PXDNL: variants seen among roughly 807,000 people sequenced by gnomAD.
PXDNL encodes peroxidasin like.
Under a neutral mutation model 150.8 loss-of-function variants are expected in PXDNL, and 145 were observed. That is an observed-to-expected ratio of 0.96 (90% CI 0.84 to 1.10). The LOEUF (loss-of-function observed/expected upper bound fraction) is 1.10, where lower values mean the gene tolerates loss of function less well. Among genes scored for constraint, PXDNL ranks in the 50% least tolerant of loss-of-function variants. The pLI is 0.00. For missense variants in PXDNL, 2,087 were observed against 1,873.9 expected, an observed-to-expected ratio of 1.11 and a Z score of -2.10; for synonymous variants, 757 against 725.7, an observed-to-expected ratio of 1.04 and a Z score of -0.69.
intron 3 of PXDNL, among the ~76,000 whole-genome samples, chr8:51,581,243 T>A (rs1813206100): frequency 6.6e-6 from 1 of 152,038 alleles, no homozygotes; most frequent in Non-Finnish European, 1.5e-5. Context: ...AAGCATATGC[T>A]TGGGAGGCCA....
At chr8:51,542,509 AAGAG>A (rs1046310943) in intron 4 of PXDNL, among the ~76,000 whole-genome samples, 14 of 143,300 alleles carry the variant, frequency 9.8e-5, no homozygotes, top group Admixed American at 6.2e-4. Flanking sequence ...AAAAAAAAAA[AAGAG>A]AGAGAGAGAA....
intron 2 of PXDNL, among the ~76,000 whole-genome samples, chr8:51,624,057 TA>T: frequency 7.5e-6 from 1 of 133,944 alleles, no homozygotes; most frequent in Non-Finnish European, 1.5e-5. Context: ...CATACCACTG[TA>T]CTCCAGCCTG....
chr8:51,572,029 C>T (rs1000398919), intron 3 of PXDNL, among the ~76,000 whole-genome samples: 1 of 151,752 alleles, frequency 6.6e-6, no homozygotes, highest in African/African-American at 2.4e-5. Flanking sequence ...GGGATTTCAA[C>T]CAGATAAACC....
At chr8:51,531,705 C>A (rs1290613932) in intron 4 of PXDNL, among the ~76,000 whole-genome samples, 1 of 152,034 alleles carries the variant, frequency 6.6e-6, no homozygotes, top group African/African-American at 2.4e-5. Context: ...GAGCTTAAGT[C>A]AAGTGAAGAA....
At position 51,412,644 on chromosome 8, in the gene PXDNL, A is replaced by G. The variant is rs1808684927; in HGVS notation, c.1904+506T>C. Among the ~76,000 whole-genome samples the G allele has an allele frequency of 1.3e-5, 2 of 152,188 alleles. 1 individual carries two copies. Among genetic ancestry groups the G allele is most frequent in the South Asian group, 4.1e-4 (2 of 4,828 alleles). On this transcript the variant is annotated intron_variant, in intron 15 of 22. Transcript: ENST00000356297. ...TCCGATTATGATGAAATCAACAATCATTTTTTTGTTAATGCATCCTGATGT... is the reference window on the plus strand; with the variant it reads ...TCCGATTATGATGAAATCAACAATCGTTTTTTTGTTAATGCATCCTGATGT...
At chr8:51,572,519 T>C (rs1247829019) in intron 3 of PXDNL, among the ~76,000 whole-genome samples, 1 of 151,820 alleles carries the variant, frequency 6.6e-6, no homozygotes. Context: ...TCATGGAGAC[T>C]GAAAGTAGAA....
At chr8:51,391,525 C>T (rs1807909457) in intron 17 of PXDNL, among the ~76,000 whole-genome samples, 2 of 152,136 alleles carry the variant, frequency 1.3e-5, no homozygotes, top group African/African-American at 4.8e-5. Context: ...TGTTTTTTGG[C>T]TACATAAATG....
intron 5 of PXDNL, among the ~76,000 whole-genome samples, chr8:51,494,871 C>T (rs1002039508): frequency 4.0e-5 from 6 of 151,834 alleles, no homozygotes; most frequent in Admixed American, 6.6e-5. Flanking sequence ...GACAGATCAA[C>T]GAGACAGAAA....
At chr8:51,545,222 GA>G (rs1211308965) in intron 4 of PXDNL, among the ~76,000 whole-genome samples, 1 of 152,132 alleles carries the variant, frequency 6.6e-6, no homozygotes, top group African/African-American at 2.4e-5. Flanking sequence ...ATAGGAATTA[GA>G]ACTTTTTCAT....
intron 5 of PXDNL, among the ~76,000 whole-genome samples, chr8:51,486,200 T>C (rs1810731077): frequency 6.6e-6 from 1 of 152,144 alleles, no homozygotes; most frequent in South Asian, 2.1e-4. Context: ...ATTAATTGCT[T>C]AACAGGCAAA....
chr8:51,490,878 T>C (rs971523355), intron 5 of PXDNL, among the ~76,000 whole-genome samples: 1 of 152,066 alleles, frequency 6.6e-6, no homozygotes, highest in Non-Finnish European at 1.5e-5. Context: ...TGATGGTTAA[T>C]ACTGAGTGTT....
chr8:51,703,047 T>C (rs1235671913), intron 1 of PXDNL, among the ~76,000 whole-genome samples: 2 of 152,182 alleles, frequency 1.3e-5, no homozygotes, highest in African/African-American at 4.8e-5. Context: ...TTACATTCAC[T>C]AATGCTATCT....
intron 2 of PXDNL, among the ~76,000 whole-genome samples, chr8:51,649,317 G>A (rs1002824733): frequency 1.3e-5 from 2 of 152,038 alleles, no homozygotes; most frequent in Non-Finnish European, 2.9e-5. Context: ...GAGGAAAGTC[G>A]GCAAATAACA....
At chr8:51,618,868 T>C (rs959506102) in intron 2 of PXDNL, among the ~76,000 whole-genome samples, 3 of 152,192 alleles carry the variant, frequency 2.0e-5, no homozygotes, top group Non-Finnish European at 4.4e-5. Flanking sequence ...AAAATGTCGG[T>C]GGTTCTTATT....
At chr8:51,541,596 G>A (rs2130483123) in intron 4 of PXDNL, among the ~76,000 whole-genome samples, 1 of 152,152 alleles carries the variant, frequency 6.6e-6, no homozygotes, top group African/African-American at 2.4e-5. Flanking sequence ...AAGATTTTAG[G>A]GGAAGCCTCT....
intron 1 of PXDNL, among the ~76,000 whole-genome samples, chr8:51,794,850 A>T (rs2037546078): frequency 6.6e-6 from 1 of 152,236 alleles, no homozygotes; most frequent in African/African-American, 2.4e-5. Context: ...GTCCCAATTA[A>T]AAGACACAGA....
At chr8:51,415,143 G>A (rs1395804681) in intron 14 of PXDNL, among the ~76,000 whole-genome samples, 1 of 152,130 alleles carries the variant, frequency 6.6e-6, no homozygotes, top group Non-Finnish European at 1.5e-5. Context: ...ATGCATATAT[G>A]CAGAAAAATT....
intron 1 of PXDNL, among the ~76,000 whole-genome samples, chr8:51,723,624 G>A (rs1816770946): frequency 6.6e-6 from 1 of 152,162 alleles, no homozygotes; most frequent in South Asian, 2.1e-4. Context: ...GCTCCACTGT[G>A]ACAGCAGTTC....
At chr8:51,373,977 G>A (rs1807216038) in intron 18 of PXDNL, among the ~76,000 whole-genome samples, 1 of 152,198 alleles carries the variant, frequency 6.6e-6, no homozygotes, top group East Asian at 1.9e-4. Flanking sequence ...TCTCCAGCCT[G>A]CTGTTTCCCA....
Sources: allele counts gnomAD v4.1 joint callset (sites outside exome capture counted in the v4.1 genomes callset), GRCh38; gene constraint gnomAD v4.1.1; transcripts MANE v1.5; gene names NCBI Gene and HGNC (gene_info 2026-07-23, HGNC 2026-07-21).